Variants in DLG2 observed in about 807,000 individuals in gnomAD.
DLG2 encodes the protein disks large homolog 2.
DLG2 carries 45 observed loss-of-function variants against 132.5 expected under a neutral mutation model. That is an observed-to-expected ratio of 0.34 (90% CI 0.27 to 0.44). The LOEUF (loss-of-function observed/expected upper bound fraction) is 0.44, where lower values mean the gene tolerates loss of function less well. DLG2 is among the 20% of genes least tolerant of loss of function. DLG2 has a pLI of 1.00. For missense variants in DLG2, 1,045 were observed against 1,196.9 expected, an observed-to-expected ratio of 0.87 and a Z score of 1.87; for synonymous variants, 424 against 419.6, an observed-to-expected ratio of 1.01 and a Z score of -0.13.
chr11:85,569,829 T>G (rs552892399), intron 3 of DLG2, among the ~76,000 whole-genome samples: 1 of 152,162 alleles, frequency 6.6e-6, no homozygotes, highest in Non-Finnish European at 1.5e-5. Context: ...CTTTGGAGAT[T>G]TCTCAAAGAA....
At chr11:84,945,986 G>A (rs940177428) in intron 6 of DLG2, among the ~76,000 whole-genome samples, 1 of 151,976 alleles carries the variant, frequency 6.6e-6, no homozygotes, top group East Asian at 2.0e-4. Context: ...CTGTGGCTGC[G>A]AGTGTCTCAC....
At chr11:84,583,074 T>A (rs78576056) in intron 6 of DLG2, among the ~76,000 whole-genome samples, 1,681 of 152,280 alleles carry the variant, frequency 0.011, 30 homozygotes, top group African/African-American at 0.037. Flanking sequence ...TCTAACCTGA[T>A]GATTTTGTCA....
chr11:85,080,482 A>G (rs1239015125), intron 6 of DLG2, among the ~76,000 whole-genome samples: 1 of 152,160 alleles, frequency 6.6e-6, no homozygotes, highest in African/African-American at 2.4e-5. Flanking sequence ...GACAGAGGAA[A>G]AATTATTGAA....
Position 83,965,344 on chromosome 11 carries a change from C to A in DLG2, c.1181G>T (p.Gly394Val). ...PTTIYMTDPY[G>V]PPDITHSYSP... is the part of the protein sequence containing the mutation. ...CTTACAGTGAGTAATATCAGGTGGA[C>A]CATAAGGATCAGTCATATAAATGGT... The change falls in exon 13 of 28, where the codon GGT becomes GTT. Residue 394 changes from glycine (G) to valine (V), a missense_variant. By Grantham distance (109) the Gly-to-Val change is moderately radical. Around this residue, in one of 4 missense-constraint regions of DLG2, gnomAD observed 261 missense variants for 256.1 expected, o/e 1.02. Coordinates refer to ENST00000376104, the MANE Select transcript of DLG2 (RefSeq NM_001142699.3). 1 of 1,610,390 alleles carries A rather than the reference C, an allele frequency of 6.2e-7. No homozygotes were observed. Among genetic ancestry groups the A allele is most frequent in the Non-Finnish European group, 8.5e-7 (1 of 1,178,054 alleles).
intron 8 of DLG2, among the ~76,000 whole-genome samples, chr11:84,237,853 C>G (rs573318718): frequency 6.6e-6 from 1 of 151,472 alleles, no homozygotes; most frequent in South Asian, 2.1e-4. Flanking sequence ...CTGGCCAACA[C>G]AGTGAAACCC....
At chr11:84,157,253 T>C (rs1244578505) in intron 9 of DLG2, among the ~76,000 whole-genome samples, 1 of 152,170 alleles carries the variant, frequency 6.6e-6, no homozygotes, top group Non-Finnish European at 1.5e-5. Context: ...ATTTGAAATA[T>C]ATGCAAATGT....
chr11:84,861,247 G>A (rs1460517606), intron 6 of DLG2, among the ~76,000 whole-genome samples: 1 of 152,004 alleles, frequency 6.6e-6, no homozygotes, highest in African/African-American at 2.4e-5. Flanking sequence ...AAAAGAAAGG[G>A]GGATAAGCAT....
intron 18 of DLG2, among the ~76,000 whole-genome samples, chr11:83,736,841 A>G (rs1007177413): frequency 2.6e-5 from 4 of 152,220 alleles, no homozygotes; most frequent in Non-Finnish European, 5.9e-5. Context: ...CAGCAAAGTG[A>G]TTCCAATGAA....
intron 6 of DLG2, among the ~76,000 whole-genome samples, chr11:85,096,925 CT>C (rs2069925711): frequency 6.6e-6 from 1 of 152,116 alleles, no homozygotes; most frequent in South Asian, 2.1e-4. Context: ...CTATCTTCCG[CT>C]TTTCCTGTAC....
At chr11:84,792,753 A>G (rs1019443602) in intron 6 of DLG2, among the ~76,000 whole-genome samples, 2 of 152,052 alleles carry the variant, frequency 1.3e-5, no homozygotes, top group South Asian at 2.1e-4. Context: ...AATTTTGGCA[A>G]TATCAGTTTT....
intron 6 of DLG2, among the ~76,000 whole-genome samples, chr11:84,962,798 C>A (rs2052776017): frequency 6.6e-6 from 1 of 152,178 alleles, no homozygotes; most frequent in Admixed American, 6.5e-5. Flanking sequence ...GGAAAGCTAG[C>A]TAAAGATACT....
At chr11:85,584,175 A>T (rs536280796) in intron 3 of DLG2, among the ~76,000 whole-genome samples, 1 of 151,962 alleles carries the variant, frequency 6.6e-6, no homozygotes, top group East Asian at 1.9e-4. Context: ...TGCCCTCTTG[A>T]TGCCTCTCCA....
At chr11:84,220,912 C>G (rs1597740830) in intron 8 of DLG2, among the ~76,000 whole-genome samples, 1 of 147,136 alleles carries the variant, frequency 6.8e-6, no homozygotes, top group African/African-American at 2.5e-5. Context: ...TCCTAAGTAG[C>G]TGGGACTACA....
At chr11:83,474,610 G>A (rs2092430850) in intron 22 of DLG2, among the ~76,000 whole-genome samples, 1 of 152,040 alleles carries the variant, frequency 6.6e-6, no homozygotes, top group South Asian at 2.1e-4. Context: ...TCATAAAGGC[G>A]AGAACTGAGT....
intron 10 of DLG2, among the ~76,000 whole-genome samples, chr11:84,060,168 C>T (rs377632268): frequency 1.3e-5 from 2 of 151,958 alleles, no homozygotes; most frequent in African/African-American, 4.8e-5. Flanking sequence ...CAAAAATTAG[C>T]TGGGCATGGT....
At chr11:83,901,367 TC>T in intron 15 of DLG2, among the ~76,000 whole-genome samples, 2 of 152,248 alleles carry the variant, frequency 1.3e-5, no homozygotes, top group Middle Eastern at 6.8e-3. Context: ...TGACTCCGTG[TC>T]CCCAGACAAA....
intron 6 of DLG2, among the ~76,000 whole-genome samples, chr11:84,830,311 A>G (rs1409412075): frequency 6.6e-6 from 1 of 150,854 alleles, no homozygotes; most frequent in Non-Finnish European, 1.5e-5. Flanking sequence ...GGGGGTCTCT[A>G]CCTTTTAAAC....
intron 4 of DLG2, among the ~76,000 whole-genome samples, chr11:85,255,073 CA>C (rs2076601486): frequency 6.6e-6 from 1 of 151,454 alleles, no homozygotes; most frequent in African/African-American, 2.4e-5. Flanking sequence ...AAAATTGAAT[CA>C]AAGTAAACTA....
chr11:83,478,097 TGAGATCTA>T (rs944452871), intron 22 of DLG2, among the ~76,000 whole-genome samples: 6 of 152,124 alleles, frequency 3.9e-5, no homozygotes, highest in Non-Finnish European at 4.4e-5. Flanking sequence ...TTATGTGTGC[TGAGATCTA>T]GAGTTAGTTG....
Sources: gnomAD v4.1 joint callset for allele counts (sites outside exome capture counted in the v4.1 genomes callset) on GRCh38, gnomAD v4.1.1 for gene constraint, gnomAD v4.1.1 regional missense constraint, MANE v1.5 for transcripts, NCBI Gene and HGNC (gene_info 2026-07-23, HGNC 2026-07-21) for gene names.